The following USP43 variants were observed in gnomAD, a reference collection of about 807,000 sequenced individuals.
USP43 encodes ubiquitin specific peptidase 43.
A neutral mutation model predicts 90.7 loss-of-function variants in USP43; 33 were observed. The ratio of observed to expected loss-of-function variants is 0.36; its 90% CI spans 0.28 to 0.49. The LOEUF (loss-of-function observed/expected upper bound fraction) is 0.49. USP43 is among the 20% of genes least tolerant of loss of function. The probability of loss-of-function intolerance (pLI) is 0.98; values close to 1 mark genes in which losing one functional copy is unlikely to be tolerated. For synonymous variants in USP43, 598 were observed against 615.8 expected (o/e 0.97, Z 0.43); for missense variants, 1,274 against 1,476.4 (o/e 0.86, Z 2.25).
At chr17:9,649,814 T>A (rs1293500541) in intron 1 of USP43, among the ~76,000 whole-genome samples, 1 of 152,164 alleles carries the variant, frequency 6.6e-6, no homozygotes, top group Non-Finnish European at 1.5e-5. Flanking sequence ...TTTTACATCC[T>A]GCTTTTCTCA....
Position 9,676,954 on chromosome 17 carries a change from T to G in USP43, c.969+73T>G. ...AACTGAGCCAGCTGTCTAGGCTGTT[T>G]AGGCCAATTTGTGGTTCCCAGGTGA... is the stretch of plus-strand genomic sequence containing the variant. On this transcript the variant is annotated intron_variant, in intron 5 of 14. Transcript: ENST00000285199. 7 of 1,548,108 alleles carry G rather than the reference T, an allele frequency of 4.5e-6. No homozygotes were observed. In the South Asian group the frequency reaches 8.8e-5, roughly 19 times the overall value.
chr17:9,685,824 A>G (rs1047038559), intron 7 of USP43, among the ~76,000 whole-genome samples: 4 of 152,164 alleles, frequency 2.6e-5, no homozygotes, highest in Non-Finnish European at 5.9e-5. Flanking sequence ...GGAAGATTCA[A>G]AATCCTATCC....
upstream of USP43, chr17:9,645,352 G>T (rs1465874716): frequency 4.2e-6 from 1 of 238,726 alleles, no homozygotes; most frequent in South Asian, 1.8e-4. The surrounding 1 kb of genome is among the most constrained non-coding windows in gnomAD (Gnocchi z 6.8). Context: ...GGTAAGGAAG[G>T]GTGGGGAATC....
chr17:9,677,529 G>A (rs1318531459), intron 5 of USP43, among the ~76,000 whole-genome samples: 1 of 152,232 alleles, frequency 6.6e-6, no homozygotes, highest in Non-Finnish European at 1.5e-5. Context: ...TTTCAAACGA[G>A]TCTTAGTAAA....
At chr17:9,716,007 CTGTG>C (rs953772461) in intron 14 of USP43, among the ~76,000 whole-genome samples, 5 of 139,648 alleles carry the variant, frequency 3.6e-5, no homozygotes, top group South Asian at 2.2e-4. Flanking sequence ...GTGTGTGTGT[CTGTG>C]TGTGTATGTG....
intron 10 of USP43, 138 bp from the exon 11 acceptor site, chr17:9,700,981 C>A: frequency 9.1e-7 from 1 of 1,103,980 alleles, no homozygotes; most frequent in East Asian, 2.9e-5. Flanking sequence ...GCCTGCAGCT[C>A]TCCAGGAACC....
At position 9,709,964 on chromosome 17, in the gene USP43, C is replaced by T. The variant is rs772015786; in HGVS notation, c.2020C>T (p.Arg674Trp). ...GGATGGGACCTTTGCAGCCTACTGC[C>T]GGAACTCTCTGGATGGCCAGTGGTA... Reference protein sequence around the residue: ...LQGGHYTAYCRNSLDGQWYSY... With the variant: ...LQGGHYTAYCWNSLDGQWYSY... The change falls in exon 13 of 15, where the codon CGG becomes TGG. Residue 674 changes from arginine to tryptophan, a missense_variant. By Grantham distance (101) the Arg-to-Trp change is moderately radical. This residue lies in a region of USP43 where 285 missense variants were observed against 349.6 expected (regional missense o/e 0.82). Coordinates refer to ENST00000285199, the MANE Select transcript of USP43 (RefSeq NM_153210.5). The surrounding 1 kb of genome is among the most constrained non-coding windows in gnomAD (Gnocchi z 5.0). The T allele has an allele frequency of 4.1e-6, 6 of 1,470,658 alleles. No individual in the cohort carries two copies. Among genetic ancestry groups the T allele is most frequent in the African/African-American group, 2.9e-5 (2 of 69,532 alleles). 91.1% of individuals were successfully genotyped at this position (1,470,658 alleles called of 1,614,324 possible). A position where few individuals can be genotyped will look rare whatever the true frequency, so the allele number is the denominator to read the frequency against.
intron 9 of USP43, among the ~76,000 whole-genome samples, chr17:9,696,991 T>G: frequency 6.6e-6 from 1 of 152,160 alleles, no homozygotes; most frequent in East Asian, 1.9e-4. Flanking sequence ...CCAAGGCGGG[T>G]GGATCACTTG....
intron 14 of USP43, among the ~76,000 whole-genome samples, chr17:9,723,498 C>G (rs982640782): frequency 6.9e-6 from 1 of 144,790 alleles, no homozygotes; most frequent in African/African-American, 2.6e-5. Context: ...TCTTGCTCTT[C>G]TCTTTTCCCT....
intron 14 of USP43, among the ~76,000 whole-genome samples, chr17:9,713,190 G>T (rs771260644): frequency 1.3e-5 from 2 of 152,054 alleles, no homozygotes; most frequent in Non-Finnish European, 2.9e-5. Flanking sequence ...CCGGGTTCGA[G>T]CAATACTCCT....
chr17:9,716,604 G>A (rs1916585396), intron 14 of USP43, among the ~76,000 whole-genome samples: 1 of 152,098 alleles, frequency 6.6e-6, no homozygotes, highest in South Asian at 2.1e-4. Context: ...GTGAGGTGGG[G>A]GAACTACCTC....
At chr17:9,685,870 A>G (rs1914572830) in intron 7 of USP43, among the ~76,000 whole-genome samples, 1 of 152,218 alleles carries the variant, frequency 6.6e-6, no homozygotes, top group Admixed American at 6.5e-5. Flanking sequence ...ATTATTGTTA[A>G]CAATAGTCAC....
Position 9,729,101 on chromosome 17 carries a change from T to TAA in USP43, c.*119_*120dup. On this transcript the variant is annotated 3_prime_UTR_variant, in exon 15 of 15. Transcript: ENST00000285199. ...AGGAAACCCGTTGTCTTGTAATCTC[T>TAA]AAAAAAAAATTTTTTTTTTTTTGTG... 8.8e-7 allele frequency: 1 copy of TAA among 1,135,730 alleles called. No homozygotes were observed. Among genetic ancestry groups the TAA allele is most frequent in the Non-Finnish European group, 1.2e-6 (1 of 858,800 alleles). The allele number at this position is 1,135,730 out of a possible 1,614,324, so 70.4% of individuals were successfully genotyped here.
intron 14 of USP43, among the ~76,000 whole-genome samples, chr17:9,720,773 C>G (rs1305314927): frequency 6.6e-6 from 1 of 152,152 alleles, no homozygotes; most frequent in East Asian, 1.9e-4. Flanking sequence ...CAGGTGTGAG[C>G]CACCACGCCC....
In USP43 at chr17:9,681,469, T is replaced by G. The variant is rs1316622836; in HGVS notation, c.1105+1103T>G. Among the ~76,000 whole-genome samples, 19 of 15,096 alleles carry G rather than the reference T, an allele frequency of 1.3e-3. No homozygotes were observed. In the African/African-American group the frequency reaches 0.016, roughly 13 times the overall value. 9.9% of individuals were successfully genotyped at this position (15,096 alleles called of 152,430 possible). ...AAATATATATAAAATATATTATATA[T>G]ATATATATATATATATATATATATA... On this transcript the variant is annotated intron_variant, in intron 6 of 14. Coordinates refer to ENST00000285199, the MANE Select transcript of USP43 (RefSeq NM_153210.5).
chr17:9,675,692 A>C (rs564559358), intron 4 of USP43, among the ~76,000 whole-genome samples: 1 of 152,338 alleles, frequency 6.6e-6, no homozygotes, highest in South Asian at 2.1e-4. Context: ...AGCTGAAGAC[A>C]TAACATCTTC....
At chr17:9,676,331 C>T (rs980741979) in intron 4 of USP43, among the ~76,000 whole-genome samples, 10 of 152,100 alleles carry the variant, frequency 6.6e-5, no homozygotes, top group East Asian at 1.9e-4. Context: ...AACCAGGAAG[C>T]GGAGATTAAC....
chr17:9,695,216 T>C (rs1261704212), intron 9 of USP43, among the ~76,000 whole-genome samples: 2 of 149,518 alleles, frequency 1.3e-5, no homozygotes, highest in Non-Finnish European at 3.0e-5. Flanking sequence ...TAATGTGACC[T>C]TACCTCTTTC....
In USP43 at chr17:9,709,711, G is replaced by A. The variant is rs563913427; in HGVS notation, c.2012-245G>A. 1.3e-5 allele frequency among the ~76,000 whole-genome samples: 2 copies of A among 151,878 alleles called. No homozygotes were observed. Among genetic ancestry groups the A allele is most frequent in the African/African-American group, 2.4e-5 (1 of 41,402 alleles). ...AGCCTGGGTGACAGAGCGAAACTCCGTCTCAAAAATAAATAAAAATAAATA... is the reference window on the plus strand; with the variant it reads ...AGCCTGGGTGACAGAGCGAAACTCCATCTCAAAAATAAATAAAAATAAATA... On this transcript the variant is annotated intron_variant, in intron 12 of 14. Coordinates refer to ENST00000285199, the MANE Select transcript of USP43 (RefSeq NM_153210.5). This position sits in a 1 kb window ranked among gnomAD's most constrained non-coding sequence, Gnocchi z 5.0.
Sources: allele counts gnomAD v4.1 joint callset (sites outside exome capture counted in the v4.1 genomes callset), GRCh38; gene constraint gnomAD v4.1.1; regional missense constraint gnomAD v4.1.1; non-coding constraint Gnocchi (gnomAD v3.1); transcripts MANE v1.5; gene names NCBI Gene and HGNC (gene_info 2026-07-23, HGNC 2026-07-21).